The following RHOU variants were observed in gnomAD, a reference collection of about 807,000 sequenced individuals.
RHOU encodes the protein rho-related GTP-binding protein RhoU.
A neutral mutation model predicts 12.6 loss-of-function variants in RHOU; 8 were observed. That is an observed-to-expected ratio of 0.64 (90% CI 0.37 to 1.15). The LOEUF (loss-of-function observed/expected upper bound fraction) is 1.15, where lower values mean the gene tolerates loss of function less well. Among genes scored for constraint, RHOU ranks in the 50% most tolerant of loss-of-function variants. The pLI is 0.01. For synonymous variants in RHOU, 161 were observed against 147.4 expected (o/e 1.09, Z -0.67); for missense variants, 258 against 347.0 (o/e 0.74, Z 2.04).
intron 2 of RHOU, among the ~76,000 whole-genome samples, chr1:228,740,900 G>A (rs977057482): frequency 2.6e-4 from 40 of 152,086 alleles, no homozygotes; most frequent in African/African-American, 8.7e-4. Context: ...ATGTCAAAAG[G>A]AGTTTTTAAC....
the RHOU span, among the ~76,000 whole-genome samples, chr1:228,699,399 GATTCCACCACTGC>G: frequency 2.4e-5 from 3 of 122,854 alleles, no homozygotes; most frequent in African/African-American, 9.3e-5. Context: ...AGTGAGACAT[GATTCCACCACTGC>G]ATTCCAGCCT....
chr1:228,652,450 TACCACAG>T, the RHOU span: 1 of 152,550 alleles, frequency 6.6e-6, no homozygotes, highest in African/African-American at 2.4e-5. Flanking sequence ...TTTTGGTGCT[TACCACAG>T]ACTGTGCTCT....
At chr1:228,681,914 C>T in the RHOU span, among the ~76,000 whole-genome samples, 1 of 152,042 alleles carries the variant, frequency 6.6e-6, no homozygotes, top group South Asian at 2.1e-4. Context: ...AAGCAGGTGT[C>T]CCCACAATTG....
the RHOU span, among the ~76,000 whole-genome samples, chr1:228,680,234 G>C: frequency 6.6e-6 from 1 of 152,238 alleles, no homozygotes; most frequent in Middle Eastern, 3.4e-3. Flanking sequence ...TCTGGAAGGA[G>C]TTGGCCAGGG....
chr1:228,687,853 G>A, the RHOU span: 15 of 1,118,812 alleles, frequency 1.3e-5, no homozygotes, highest in Admixed American at 1.7e-5. Flanking sequence ...CCACATAGCC[G>A]TGGGAGTGAC....
At chr1:228,685,035 A>G in the RHOU span, among the ~76,000 whole-genome samples, 1 of 152,172 alleles carries the variant, frequency 6.6e-6, no homozygotes. Context: ...ATTCTAAACA[A>G]CGGGTGCATT....
At chr1:228,653,686 C>T in the RHOU span, among the ~76,000 whole-genome samples, 2 of 152,132 alleles carry the variant, frequency 1.3e-5, no homozygotes, top group Non-Finnish European at 2.9e-5. Context: ...GAACTCCTGG[C>T]CTCAAGCAAT....
Position 228,743,439 on chromosome 1 carries a change from T to C in RHOU, c.476T>C (p.Val159Ala). Reference sequence around the variant, plus strand: ...TGTCCCAAAGCCCCCATCATCCTAGTTGGAACGCAGTCGGATCTCAGAGAA... The same window carrying C: ...TGTCCCAAAGCCCCCATCATCCTAGCTGGAACGCAGTCGGATCTCAGAGAA... Reference protein sequence around the residue: ...CHCPKAPIILVGTQSDLREDV... With the variant: ...CHCPKAPIILAGTQSDLREDV... Residue 159 changes from valine (V) to alanine (A), a missense_variant, in exon 3 of 3, where the codon GTT becomes GCT. Coordinates refer to ENST00000366691, the MANE Select transcript of RHOU (RefSeq NM_021205.6). The surrounding 1 kb of genome is among the most constrained non-coding windows in gnomAD (Gnocchi z 5.1). 6.2e-6 allele frequency: 10 copies of C among 1,614,126 alleles called. No individual in the cohort carries two copies. The highest frequency in any genetic ancestry group is 8.5e-6 in the Non-Finnish European group (10 of 1,180,028).
At chr1:228,724,014 G>A in the RHOU span, among the ~76,000 whole-genome samples, 1 of 152,052 alleles carries the variant, frequency 6.6e-6, no homozygotes, top group Non-Finnish European at 1.5e-5. Flanking sequence ...GCCTGCATGA[G>A]GCCTTCCATG....
chr1:228,721,800 AC>A, the RHOU span, among the ~76,000 whole-genome samples: 2 of 152,178 alleles, frequency 1.3e-5, no homozygotes, highest in Non-Finnish European at 2.9e-5. Context: ...AGCTGGGATT[AC>A]AGGCATGCAC....
At chr1:228,741,540 A>G (rs1353849257) in intron 2 of RHOU, among the ~76,000 whole-genome samples, 1 of 152,148 alleles carries the variant, frequency 6.6e-6, no homozygotes, top group Non-Finnish European at 1.5e-5. Flanking sequence ...TCTTTCTTTG[A>G]GGCCCTCTAA....
chr1:228,666,813 GTT>G, the RHOU span, among the ~76,000 whole-genome samples: 1 of 152,156 alleles, frequency 6.6e-6, no homozygotes, highest in Non-Finnish European at 1.5e-5. Context: ...CCTGTAAAAT[GTT>G]ACAGCAATTC....
At chr1:228,685,129 A>G in the RHOU span, among the ~76,000 whole-genome samples, 1 of 152,286 alleles carries the variant, frequency 6.6e-6, no homozygotes, top group South Asian at 2.1e-4. Context: ...TGCTGGTAGG[A>G]GCGTAGCAGT....
chr1:228,655,432 A>C, the RHOU span, among the ~76,000 whole-genome samples: 20,011 of 152,138 alleles, frequency 0.13, 1,729 homozygotes, highest in South Asian at 0.23. Flanking sequence ...TTTTTAAAAA[A>C]CTTTGTGCCC....
chr1:228,720,424 C>T, the RHOU span, among the ~76,000 whole-genome samples: 37 of 152,218 alleles, frequency 2.4e-4, 1 homozygote, highest in South Asian at 6.4e-3. Flanking sequence ...TGTTGAAGTC[C>T]TAACCCCCAA....
the RHOU span, among the ~76,000 whole-genome samples, chr1:228,674,346 CTTTT>C: frequency 1.5e-5 from 2 of 135,950 alleles, no homozygotes; most frequent in Admixed American, 7.4e-5. Flanking sequence ...TGTTTAGTAC[CTTTT>C]TTTTTTTTTT....
At chr1:228,653,902 A>G in the RHOU span, among the ~76,000 whole-genome samples, 1 of 152,214 alleles carries the variant, frequency 6.6e-6, no homozygotes, top group Non-Finnish European at 1.5e-5. Flanking sequence ...AGAAATTGGG[A>G]AGACTGTGAA....
At chr1:228,651,405 C>A in the RHOU span, 3 of 155,344 alleles carry the variant, frequency 1.9e-5, no homozygotes, top group Middle Eastern at 2.8e-3. Context: ...ACAAGCCCAG[C>A]CCCAAGAGCA....
chr1:228,647,289 C>T, the RHOU span, among the ~76,000 whole-genome samples: 2 of 152,186 alleles, frequency 1.3e-5, no homozygotes, highest in Non-Finnish European at 2.9e-5. Flanking sequence ...GCTCTTGGTA[C>T]CTCACTGTGC....
Sources: gnomAD v4.1 joint callset for allele counts (sites outside exome capture counted in the v4.1 genomes callset) on GRCh38, gnomAD v4.1.1 for gene constraint, Gnocchi (gnomAD v3.1) non-coding constraint, MANE v1.5 for transcripts, NCBI Gene and HGNC (gene_info 2026-07-23, HGNC 2026-07-21) for gene names.